GCH1: variants seen among roughly 807,000 people sequenced by gnomAD.
The protein encoded by GCH1 is GTP cyclohydrolase I.
A neutral mutation model predicts 25.9 loss-of-function variants in GCH1; 5 were observed. The ratio of observed to expected loss-of-function variants is 0.19; its 90% CI spans 0.10 to 0.41. GCH1 has a LOEUF of 0.41. Ranked by LOEUF, GCH1 falls within the 10% of genes least tolerant of loss-of-function variation. GCH1 has a pLI of 1.00. For missense variants in GCH1, 261 were observed against 336.5 expected, an observed-to-expected ratio of 0.78 and a Z score of 1.75; for synonymous variants, 159 against 129.6, an observed-to-expected ratio of 1.23 and a Z score of -1.54.
intron 3 of GCH1, among the ~76,000 whole-genome samples, chr14:54,853,962 T>C (rs768946615): frequency 6.6e-6 from 1 of 152,256 alleles, no homozygotes; most frequent in Non-Finnish European, 1.5e-5. Flanking sequence ...TATTAATGTA[T>C]GCAGGCTTTC....
intron 3 of GCH1, among the ~76,000 whole-genome samples, chr14:54,855,831 A>G (rs1022684718): frequency 6.6e-6 from 1 of 152,142 alleles, no homozygotes; most frequent in Non-Finnish European, 1.5e-5. Context: ...CACCAAATAA[A>G]ATAAAATTTT....
intron 2 of GCH1, among the ~76,000 whole-genome samples, chr14:54,862,415 A>C (rs1594985833): frequency 2.6e-5 from 3 of 117,472 alleles, no homozygotes; most frequent in African/African-American, 6.8e-5. Flanking sequence ...ACACGGATTC[A>C]CTCTCTTGCC....
intron 1 of GCH1, among the ~76,000 whole-genome samples, chr14:54,874,512 G>T (rs1350097185): frequency 6.6e-6 from 1 of 152,134 alleles, no homozygotes; most frequent in Admixed American, 6.5e-5. Context: ...GCAGGAGAAA[G>T]AAATAAAGGG....
chr14:54,857,621 T>G (rs1328250416), intron 3 of GCH1, among the ~76,000 whole-genome samples: 1 of 152,232 alleles, frequency 6.6e-6, no homozygotes, highest in Non-Finnish European at 1.5e-5. Context: ...CAGCTATGTT[T>G]GCACAGTAAG....
At chr14:54,862,295 C>T (rs538141315) in intron 2 of GCH1, among the ~76,000 whole-genome samples, 5 of 151,644 alleles carry the variant, frequency 3.3e-5, no homozygotes, top group African/African-American at 9.7e-5. Flanking sequence ...CTTCCCAAGT[C>T]GCTGGGATTA....
intron 1 of GCH1, among the ~76,000 whole-genome samples, chr14:54,875,631 AAAAC>A (rs2040147577): frequency 6.6e-6 from 1 of 152,204 alleles, no homozygotes; most frequent in Admixed American, 6.5e-5. Flanking sequence ...TTACAAGAAA[AAAAC>A]AAACAACCCC....
intron 1 of GCH1, among the ~76,000 whole-genome samples, chr14:54,884,483 C>T (rs1371365737): frequency 6.6e-6 from 1 of 152,072 alleles, no homozygotes. Flanking sequence ...TAAGATTACA[C>T]AGTAGGCCGG....
intron 1 of GCH1, among the ~76,000 whole-genome samples, chr14:54,877,821 G>A (rs914999707): frequency 6.6e-6 from 1 of 152,092 alleles, no homozygotes; most frequent in African/African-American, 2.4e-5. Flanking sequence ...AGCATACTTC[G>A]AAACAGGGGT....
At chr14:54,872,952 A>C (rs2040102525) in intron 1 of GCH1, among the ~76,000 whole-genome samples, 2 of 151,526 alleles carry the variant, frequency 1.3e-5, no homozygotes, top group African/African-American at 4.9e-5. Flanking sequence ...AAAGAGACAG[A>C]AAGTTAACAA....
At chr14:54,863,928 G>A (rs543196626) in intron 2 of GCH1, among the ~76,000 whole-genome samples, 12 of 152,056 alleles carry the variant, frequency 7.9e-5, no homozygotes, top group South Asian at 2.1e-4. Flanking sequence ...GCGCAATCTC[G>A]GCTCACTGCA....
intron 5 of GCH1, among the ~76,000 whole-genome samples, chr14:54,845,540 T>TC (rs1457869009): frequency 1.3e-5 from 2 of 151,474 alleles, no homozygotes; most frequent in African/African-American, 4.9e-5. Context: ...TCCCTATGCC[T>TC]CCACAAGCCC....
chr14:54,847,259 G>C (rs1014395426), intron 3 of GCH1, 129 bp from the exon 4 acceptor site: 1 of 518,794 alleles, frequency 1.9e-6, no homozygotes, highest in African/African-American at 2.0e-5. Context: ...CTTATGGCAA[G>C]ATGACAGAAA....
In GCH1 at chr14:54,887,024, G is replaced by A. The variant is rs547749683; in HGVS notation, c.343+15297C>T. 2.5e-4 allele frequency among the ~76,000 whole-genome samples: 38 copies of A among 152,308 alleles called. 1 individual carries two copies. The highest frequency in any genetic ancestry group is 4.3e-4 in the Non-Finnish European group (29 of 68,028). Reference sequence around the variant, plus strand: ...GAGACTGCCAGAACCAAAGTGGTGCGCATCAGTCACAAAATACTGTTTCAC... The same window carrying A: ...GAGACTGCCAGAACCAAAGTGGTGCACATCAGTCACAAAATACTGTTTCAC... On this transcript the variant is annotated intron_variant, in intron 1 of 5. Coordinates refer to ENST00000491895, the MANE Select transcript of GCH1 (RefSeq NM_000161.3).
intron 3 of GCH1, among the ~76,000 whole-genome samples, chr14:54,850,109 G>A (rs1219169392): frequency 2.6e-5 from 4 of 151,862 alleles, no homozygotes; most frequent in Non-Finnish European, 5.9e-5. Flanking sequence ...AAGTAGCTGC[G>A]ATTACAGGTG....
chr14:54,890,449 G>A (rs1595018504), intron 1 of GCH1, among the ~76,000 whole-genome samples: 1 of 152,332 alleles, frequency 6.6e-6, no homozygotes, highest in East Asian at 1.9e-4. Flanking sequence ...GGTGAGACGA[G>A]ATCGCGCCAT....
Position 54,844,112 on chromosome 14 carries a change from T to C in GCH1, c.658A>G (p.Lys220Glu). Residue 220 changes from lysine to glutamate, a missense_variant, in exon 6 of 6, where the codon AAA becomes GAA. Lys to Glu is a moderately conservative substitution (Grantham distance 56, BLOSUM62 1). This residue lies in a region of GCH1 where 130 missense variants were observed against 184.1 expected (regional missense o/e 0.71). Transcript: ENST00000491895. ...CTGGTCACAGTTTTGCTGTTCATTT[T>C]CTGTACACCTCGCATTACCATACAC... ...HMCMVMRGVQ[K>E]MNSKTVTSTM... is the part of the protein sequence containing the mutation. 1 of 1,613,824 alleles carries C rather than the reference T, an allele frequency of 6.2e-7. No homozygotes were observed. The highest frequency in any genetic ancestry group is 8.5e-7 in the Non-Finnish European group (1 of 1,179,676).
chr14:54,902,647 A>T lies in GCH1; in HGVS notation c.17T>A (p.Val6Glu), dbSNP rs1206396500. 1 of 1,481,214 alleles carries T rather than the reference A, an allele frequency of 6.8e-7. No individual in the cohort carries two copies. 91.8% of individuals were successfully genotyped at this position (1,481,214 alleles called of 1,614,324 possible). The change falls in exon 1 of 6, where the codon GTG becomes GAG. Residue 6 changes from valine to glutamate, a missense_variant. By Grantham distance (121) the Val-to-Glu change is moderately radical (BLOSUM62 -2). Transcript: ENST00000491895. MEKGP[V>E]RAPAEKPRGA... ...CCGCGGCTTCTCCGCCGGTGCCCGC[A>T]CAGGGCCCTTCTCCATGGACCCGCC...
At chr14:54,898,203 G>A (rs1191969395) in intron 1 of GCH1, among the ~76,000 whole-genome samples, 1 of 152,180 alleles carries the variant, frequency 6.6e-6, no homozygotes, top group Non-Finnish European at 1.5e-5. Context: ...AAAACAGTGA[G>A]ACCCTGCCTC....
At chr14:54,870,284 G>A (rs1485599894) in intron 1 of GCH1, among the ~76,000 whole-genome samples, 1 of 144,924 alleles carries the variant, frequency 6.9e-6, no homozygotes, top group African/African-American at 2.6e-5. Flanking sequence ...CATTGCTAGA[G>A]GCCAAGAGTT....
Sources: allele counts gnomAD v4.1 joint callset (sites outside exome capture counted in the v4.1 genomes callset), GRCh38; gene constraint gnomAD v4.1.1; regional missense constraint gnomAD v4.1.1; transcripts MANE v1.5; gene names NCBI Gene and HGNC (gene_info 2026-07-23, HGNC 2026-07-21).